UBXN2A: variants seen among roughly 807,000 people sequenced by gnomAD.
The protein encoded by UBXN2A is UBX domain protein 2A.
A neutral mutation model predicts 28.4 loss-of-function variants in UBXN2A; 28 were observed. That is an observed-to-expected ratio of 0.99 (90% CI 0.73 to 1.35). UBXN2A has a LOEUF of 1.35. UBXN2A is among the 40% of genes most tolerant of loss of function. UBXN2A has a pLI of 0.00. For synonymous variants in UBXN2A, 97 were observed against 103.6 expected, an observed-to-expected ratio of 0.94 and a Z score of 0.39; for missense variants, 253 against 297.9, an observed-to-expected ratio of 0.85 and a Z score of 1.11.
chr2:23,963,921 G>A (rs192309424), intron 2 of UBXN2A, among the ~76,000 whole-genome samples: 35 of 152,196 alleles, frequency 2.3e-4, no homozygotes, highest in Middle Eastern at 3.4e-3. Flanking sequence ...TTGAGGGAAG[G>A]AGTTTGAAAC....
chr2:23,980,400 C>G (rs1252675525), intron 4 of UBXN2A, among the ~76,000 whole-genome samples: 1 of 152,166 alleles, frequency 6.6e-6, no homozygotes, highest in African/African-American at 2.4e-5. Context: ...AACATTTCTA[C>G]CAGCTATGTA....
At chr2:23,991,297 G>T (rs1708341895) in intron 6 of UBXN2A, among the ~76,000 whole-genome samples, 1 of 151,954 alleles carries the variant, frequency 6.6e-6, no homozygotes, top group Admixed American at 6.6e-5. Flanking sequence ...AATTGACTTT[G>T]TTGGGGAGAA....
intron 4 of UBXN2A, among the ~76,000 whole-genome samples, chr2:23,981,162 TA>T (rs1227888833): frequency 2.6e-5 from 4 of 152,110 alleles, no homozygotes; most frequent in Admixed American, 2.6e-4. Context: ...GTATGGCTTA[TA>T]TACACAAAGG....
chr2:23,937,242 G>A (rs1485472920), upstream of UBXN2A, among the ~76,000 whole-genome samples: 1 of 152,100 alleles, frequency 6.6e-6, no homozygotes, highest in Non-Finnish European at 1.5e-5. Context: ...ATCCACATTA[G>A]AAAGAAATAA....
chr2:23,961,264 T>G (rs1706894920), intron 2 of UBXN2A, among the ~76,000 whole-genome samples: 1 of 151,114 alleles, frequency 6.6e-6, no homozygotes, highest in Admixed American at 6.6e-5. Flanking sequence ...CCTGGCTAAT[T>G]TTTGTATTTT....
At chr2:23,956,879 C>T (rs1353567599) in intron 1 of UBXN2A, among the ~76,000 whole-genome samples, 1 of 152,192 alleles carries the variant, frequency 6.6e-6, no homozygotes, top group Non-Finnish European at 1.5e-5. Flanking sequence ...GTTTGGACTA[C>T]ACCTGTCACT....
At chr2:23,947,320 TG>T (rs1452634767) in intron 1 of UBXN2A, among the ~76,000 whole-genome samples, 3 of 152,214 alleles carry the variant, frequency 2.0e-5, no homozygotes, top group Admixed American at 2.0e-4. Context: ...CTGCACTTTT[TG>T]GGATAGTATT....
At chr2:23,981,893 C>T (rs2150892697) in intron 4 of UBXN2A, among the ~76,000 whole-genome samples, 1 of 152,094 alleles carries the variant, frequency 6.6e-6, no homozygotes, top group South Asian at 2.1e-4. Flanking sequence ...GTCCCAAAAA[C>T]AAGAAACTCA....
chr2:23,960,335 T>C (rs112882718), intron 2 of UBXN2A, among the ~76,000 whole-genome samples: 7,547 of 152,206 alleles, frequency 0.05, 252 homozygotes, highest in Middle Eastern at 0.075. Flanking sequence ...TTTCAAAAGA[T>C]AGCAATCAGA....
chr2:23,977,519 G>A (rs2150882386), intron 4 of UBXN2A, among the ~76,000 whole-genome samples: 1 of 151,954 alleles, frequency 6.6e-6, no homozygotes, highest in South Asian at 2.1e-4. Context: ...GCACATGCCT[G>A]TAATCCCAGC....
intron 1 of UBXN2A, among the ~76,000 whole-genome samples, chr2:23,951,778 C>T (rs1285910463): frequency 1.3e-5 from 2 of 151,904 alleles, no homozygotes; most frequent in African/African-American, 4.8e-5. Context: ...AAAAAAGAAA[C>T]AAATGAGTCA....
In UBXN2A at chr2:23,984,725, A is replaced by C. The variant is rs1558304303; in HGVS notation, c.478A>C (p.Asn160His). ...KAKNIEVENK[N>H]NLSAVPLNNL... The stretch of plus-strand genomic sequence containing the variant: ...AAAGAATATTGAAGTTGAAAATAAA[A>C]ATAATTTGTCTGCTGTTCCACTGAA... The change falls in exon 6 of 7, where the codon AAT (asparagine) becomes CAT (histidine). Residue 160 changes from asparagine to histidine, a missense_variant. Asn to His is a moderately conservative substitution (Grantham distance 68). Coordinates refer to ENST00000309033, the MANE Select transcript of UBXN2A (RefSeq NM_181713.4). The C allele has an allele frequency of 6.4e-7, 1 of 1,562,304 alleles. No homozygotes were observed. Among genetic ancestry groups the C allele is most frequent in the East Asian group, 2.4e-5 (1 of 41,590 alleles).
intron 1 of UBXN2A, among the ~76,000 whole-genome samples, chr2:23,930,669 C>T (rs753417602): frequency 3.9e-5 from 6 of 151,986 alleles, no homozygotes; most frequent in Non-Finnish European, 8.8e-5. Context: ...GACCAGCCTG[C>T]GCTGGTCACA....
chr2:23,950,316 A>C (rs1411996954), intron 1 of UBXN2A, among the ~76,000 whole-genome samples: 1 of 152,176 alleles, frequency 6.6e-6, no homozygotes, highest in Non-Finnish European at 1.5e-5. Context: ...CAATGTGAAC[A>C]AAGTAGTAGA....
chr2:23,939,721 C>A (rs887563839), upstream of UBXN2A: 1 of 152,584 alleles, frequency 6.6e-6, no homozygotes, highest in Non-Finnish European at 1.5e-5. Flanking sequence ...TTTAGAGGGT[C>A]TGGGCCTGAC....
chr2:23,989,079 T>G (rs1341095532), intron 6 of UBXN2A, among the ~76,000 whole-genome samples: 5 of 152,082 alleles, frequency 3.3e-5, no homozygotes, highest in Admixed American at 3.3e-4. Context: ...TTCCAGGCCC[T>G]CTGTTTGAAA....
rs973728547 is a variant in UBXN2A at position 24,000,910 on chromosome 2, A to G, written c.*1043A>G. The G allele has an allele frequency of 1.3e-5, 2 of 152,192 alleles. No individual in the cohort carries two copies. The highest frequency in any genetic ancestry group is 2.9e-5 in the Non-Finnish European group (2 of 68,034). The allele number at this position is 152,192 out of a possible 1,614,324, so 9.4% of individuals were successfully genotyped here. On this transcript the variant is annotated 3_prime_UTR_variant, in exon 7 of 7. Transcript: ENST00000309033. ...ATTTGGGATTAGCCATTCATTTGCC[A>G]CCACTCACTTAGAATATAATGCCGG...
intron 4 of UBXN2A, among the ~76,000 whole-genome samples, chr2:23,980,828 T>C (rs1298705743): frequency 6.6e-6 from 1 of 152,182 alleles, no homozygotes; most frequent in Non-Finnish European, 1.5e-5. Flanking sequence ...GGTTTTACCA[T>C]GTTCGCCAGG....
chr2:23,959,637 G>C (rs1706805573), intron 2 of UBXN2A, among the ~76,000 whole-genome samples: 2 of 152,260 alleles, frequency 1.3e-5, no homozygotes, highest in African/African-American at 4.8e-5. Flanking sequence ...TACAGTGAAG[G>C]GTTGCAAAGC....
Sources: gnomAD v4.1 joint callset for allele counts (sites outside exome capture counted in the v4.1 genomes callset) on GRCh38, gnomAD v4.1.1 for gene constraint, MANE v1.5 for transcripts, NCBI Gene and HGNC (gene_info 2026-07-23, HGNC 2026-07-21) for gene names.